The following SYNPR variants were observed in gnomAD, a reference collection of about 807,000 sequenced individuals.
SYNPR encodes the protein synaptoporin.
A neutral mutation model predicts 32.9 loss-of-function variants in SYNPR; 23 were observed. The observed-to-expected ratio is 0.70, with a 90% CI of 0.50 to 0.99. SYNPR has a LOEUF of 0.99. Ranked by LOEUF, SYNPR falls within the 50% of genes least tolerant of loss-of-function variation. The pLI is 0.00. For missense variants in SYNPR, 318 were observed against 349.3 expected, an observed-to-expected ratio of 0.91 and a Z score of 0.71; for synonymous variants, 146 against 135.9, an observed-to-expected ratio of 1.07 and a Z score of -0.52.
At chr3:63,325,518 G>A (rs138245806) in intron 2 of SYNPR, among the ~76,000 whole-genome samples, 66 of 152,142 alleles carry the variant, frequency 4.3e-4, no homozygotes, top group Non-Finnish European at 8.8e-4. Context: ...CTAAGCCCAG[G>A]ATCTTACTGA....
intron 2 of SYNPR, among the ~76,000 whole-genome samples, chr3:63,420,336 T>C (rs727779): frequency 0.18 from 27,071 of 152,120 alleles, 2,538 homozygotes; most frequent in Non-Finnish European, 0.2. Context: ...GATATTATAA[T>C]TAAAACAGCA....
upstream of SYNPR, among the ~76,000 whole-genome samples, chr3:63,274,806 G>A (rs2086561176): frequency 1.3e-5 from 2 of 152,134 alleles, no homozygotes; most frequent in South Asian, 4.1e-4. Context: ...TCTGCCCTCT[G>A]GAAGCCAGTA....
At chr3:63,612,345 G>C (rs1700211503) in intron 5 of SYNPR, among the ~76,000 whole-genome samples, 1 of 152,200 alleles carries the variant, frequency 6.6e-6, no homozygotes, top group African/African-American at 2.4e-5. Flanking sequence ...CCTAAATACA[G>C]AAGGAAGAAA....
At chr3:63,335,320 T>G (rs1283853265) in intron 2 of SYNPR, among the ~76,000 whole-genome samples, 1 of 125,746 alleles carries the variant, frequency 8.0e-6, no homozygotes, top group African/African-American at 3.1e-5. Context: ...GCCACTGCAC[T>G]CCAGCCTGGG....
At chr3:63,585,456 C>CCCA (rs1553649475) in intron 4 of SYNPR, among the ~76,000 whole-genome samples, 7 of 104,654 alleles carry the variant, frequency 6.7e-5, no homozygotes, top group Non-Finnish European at 1.0e-4. Context: ...CATGCCCCCC[C>CCCA]CCTCCGCCCC....
At chr3:63,387,817 G>T (rs1250289701) in intron 2 of SYNPR, among the ~76,000 whole-genome samples, 1 of 152,170 alleles carries the variant, frequency 6.6e-6, no homozygotes, top group South Asian at 2.1e-4. Flanking sequence ...CGGGAGAATT[G>T]GGTGGCGGAG....
chr3:63,347,136 G>A (rs1181455057), intron 2 of SYNPR, among the ~76,000 whole-genome samples: 2 of 152,098 alleles, frequency 1.3e-5, no homozygotes, highest in African/African-American at 4.8e-5. Context: ...ACTTCACCTA[G>A]TTTATATCAA....
At chr3:63,426,342 A>G (rs1699892474) in intron 2 of SYNPR, among the ~76,000 whole-genome samples, 1 of 152,194 alleles carries the variant, frequency 6.6e-6, no homozygotes, top group Admixed American at 6.5e-5. Flanking sequence ...CTTGGGCTGG[A>G]ACTGTCACCA....
In SYNPR at chr3:63,261,711, T is replaced by TATAATAATAATAATA. The variant is rs60616720; in HGVS notation, n.155-5593_155-5579dup. Reference sequence around the variant, plus strand: ...TGCATATGTACCCTAAAACTTAAAGTATAATAATAATAATAATAATAATAA... The same window carrying TATAATAATAATAATA: ...TGCATATGTACCCTAAAACTTAAAGTATAATAATAATAATAATAATAATAATAATAATAATAATAA... On this transcript the variant is annotated intron_variant and non_coding_transcript_variant, in intron 2 of 4. Coordinates refer to the SYNPR transcript ENST00000478456. 2.8e-3 allele frequency among the ~76,000 whole-genome samples: 410 copies of TATAATAATAATAATA among 145,622 alleles called. 2 individuals carry two copies. The highest frequency in any genetic ancestry group is 9.7e-3 in the African/African-American group (382 of 39,200).
chr3:63,616,732 G>A lies in SYNPR; in HGVS notation c.*1251G>A, dbSNP rs1700283408. 6.6e-6 allele frequency: 1 copy of A among 152,616 alleles called. No homozygotes were observed. Among genetic ancestry groups the A allele is most frequent in the African/African-American group, 2.4e-5 (1 of 41,446 alleles). The allele number at this position is 152,616 out of a possible 1,614,324, so 9.5% of individuals were successfully genotyped here. A position where few individuals can be genotyped will look rare whatever the true frequency, so the allele number is the denominator to read the frequency against. On this transcript the variant is annotated 3_prime_UTR_variant, in exon 6 of 6. Transcript: ENST00000478300. ...CACCAGGACCCAATAGAGAGGGCAA[G>A]CTGAGCATCTGTATTTCCAGATAAA... is the stretch of plus-strand genomic sequence containing the variant.
At position 63,595,717 on chromosome 3, in the gene SYNPR, TTATATATATATATATATATATATA is replaced by T. The variant is rs1169780634; in HGVS notation, c.409-13379_409-13356del. Among the ~76,000 whole-genome samples the T allele has an allele frequency of 9.1e-3, 162 of 17,884 alleles. 10 individuals are homozygous for T. Among genetic ancestry groups the T allele is most frequent in the South Asian group, 0.043 (15 of 350 alleles). 11.7% of individuals were successfully genotyped at this position (17,884 alleles called of 152,430 possible). ...GGTGGTGGGACTTCTGAATCTTATT[TTATATATATATATATATATATATA>T]TATATATATATATATATATATATAT... On this transcript the variant is annotated intron_variant, in intron 4 of 5. Transcript: ENST00000478300.
intron 2 of SYNPR, among the ~76,000 whole-genome samples, chr3:63,347,708 A>G (rs1289341977): frequency 2.0e-5 from 3 of 152,126 alleles, no homozygotes; most frequent in African/African-American, 7.2e-5. Flanking sequence ...ATAGTTTCCA[A>G]TTACAAGTAA....
Position 63,235,614 on chromosome 3 carries a change from G to A in SYNPR, n.66+7234G>A, listed in dbSNP as rs549900239. On this transcript the variant is annotated intron_variant and non_coding_transcript_variant, in intron 1 of 4. Transcript: ENST00000478456. ...GCAAGGCCCTAAGTCTTTGAACCAC[G>A]CATTGAGATGATTTAAACAAAATTT... 8.6e-5 allele frequency among the ~76,000 whole-genome samples: 13 copies of A among 151,988 alleles called. No individual in the cohort carries two copies. The East Asian group carries it at 2.1e-3, about 25-fold the overall frequency.
At chr3:63,318,953 C>T (rs189618409) in intron 2 of SYNPR, among the ~76,000 whole-genome samples, 29 of 152,068 alleles carry the variant, frequency 1.9e-4, no homozygotes, top group African/African-American at 6.0e-4. Context: ...CAGGGTGTTC[C>T]CTTGACGTAG....
In SYNPR at chr3:63,577,089, C is replaced by A. The variant is rs536494786; in HGVS notation, c.408+20348C>A. Among the ~76,000 whole-genome samples the A allele has an allele frequency of 6.6e-5, 10 of 152,180 alleles. No homozygotes were observed. The South Asian group carries it at 2.1e-3, about 32-fold the overall frequency. On this transcript the variant is annotated intron_variant, in intron 4 of 5. Coordinates refer to ENST00000478300, the MANE Select transcript of SYNPR (RefSeq NM_001130003.2). ...AAGGTGTAGCGATGAAAGGACTGGG[C>A]AGATCTGGGCCTGTTGGCAATCTGA...
chr3:63,556,640 G>A lies in SYNPR; in HGVS notation c.307G>A (p.Val103Ile), dbSNP rs762389109. Reference sequence around the variant, plus strand: ...CTCCTCGTCTTCAGCAGAGTTCTTCGTCACTGTTGCTGTCTTCGCCTTCCT... The same window carrying A: ...CTCCTCGTCTTCAGCAGAGTTCTTCATCACTGTTGCTGTCTTCGCCTTCCT... The part of the protein sequence containing the change: ...GDSSSSAEFF[V>I]TVAVFAFLYS... The change falls in exon 4 of 6, where the codon GTC becomes ATC. Residue 103 changes from valine (V) to isoleucine (I), a missense_variant. Physicochemically the swap from Val to Ile is conservative, Grantham distance 29. Transcript: ENST00000478300. 46 of 1,613,720 alleles carry A rather than the reference G, an allele frequency of 2.9e-5. No individual in the cohort carries two copies. Among genetic ancestry groups the A allele is most frequent in the South Asian group, 5.5e-5 (5 of 91,048 alleles).
At chr3:63,358,382 C>T (rs946463510) in intron 2 of SYNPR, among the ~76,000 whole-genome samples, 1 of 152,190 alleles carries the variant, frequency 6.6e-6, no homozygotes, top group Non-Finnish European at 1.5e-5. Flanking sequence ...TGCATGGCTC[C>T]AATCTCTGCT....
At chr3:63,345,859 G>T (rs1048831167) in intron 2 of SYNPR, among the ~76,000 whole-genome samples, 2 of 151,716 alleles carry the variant, frequency 1.3e-5, no homozygotes, top group Admixed American at 6.6e-5. Flanking sequence ...CTGTTGCCCA[G>T]ACTGGAGTGC....
chr3:63,472,507 C>T (rs1241461313), intron 2 of SYNPR, among the ~76,000 whole-genome samples: 1 of 152,066 alleles, frequency 6.6e-6, no homozygotes. Flanking sequence ...TACAATGTTA[C>T]TATTCAGTTA....
Sources: allele counts gnomAD v4.1 joint callset (sites outside exome capture counted in the v4.1 genomes callset), GRCh38; gene constraint gnomAD v4.1.1; transcripts MANE v1.5; gene names NCBI Gene and HGNC (gene_info 2026-07-23, HGNC 2026-07-21).